Variants in KLRF1 observed in about 807,000 individuals in gnomAD.
KLRF1 encodes killer cell lectin like receptor F1.
In KLRF1, 27 loss-of-function variants were observed where a neutral mutation model predicts 30.7. The ratio of observed to expected loss-of-function variants is 0.88; its 90% CI spans 0.65 to 1.21. The LOEUF (loss-of-function observed/expected upper bound fraction) is 1.21. Among genes scored for constraint, KLRF1 ranks in the 50% most tolerant of loss-of-function variants. The pLI, the probability that KLRF1 is intolerant of heterozygous loss-of-function variation, is 0.00. For synonymous variants in KLRF1, 92 were observed against 89.3 expected (o/e 1.03, Z -0.17); for missense variants, 246 against 259.3 (o/e 0.95, Z 0.35).
the KLRF1 span, among the ~76,000 whole-genome samples, chr12:9,818,188 A>G: frequency 6.6e-6 from 1 of 152,198 alleles, no homozygotes; most frequent in Admixed American, 6.5e-5. Context: ...ATAGAGCTGG[A>G]CTGTCTCTTC....
the KLRF1 span, among the ~76,000 whole-genome samples, chr12:9,815,165 AC>A: frequency 1.3e-5 from 2 of 152,202 alleles, no homozygotes; most frequent in Admixed American, 6.5e-5. Context: ...AAACAAGAAT[AC>A]TTTTCTTATA....
At chr12:9,808,568 G>A in the KLRF1 span, among the ~76,000 whole-genome samples, 15 of 152,136 alleles carry the variant, frequency 9.9e-5, no homozygotes, top group South Asian at 2.1e-3. Flanking sequence ...AAAAAGACCC[G>A]CATCCTCCCC....
chr12:9,801,172 T>C, the KLRF1 span, among the ~76,000 whole-genome samples: 1 of 152,100 alleles, frequency 6.6e-6, no homozygotes, highest in Non-Finnish European at 1.5e-5. Context: ...GAAAAGGACA[T>C]GATCTCATTC....
chr12:9,819,947 T>C, the KLRF1 span, among the ~76,000 whole-genome samples: 4 of 152,160 alleles, frequency 2.6e-5, no homozygotes, highest in African/African-American at 9.6e-5. Flanking sequence ...CAGGCTGCCA[T>C]TTGTGCTGCT....
chr12:9,825,506 C>A (rs1307546997), upstream of KLRF1, among the ~76,000 whole-genome samples: 3 of 152,052 alleles, frequency 2.0e-5, no homozygotes, highest in Admixed American at 2.0e-4. Flanking sequence ...ATACAAAGCT[C>A]AACTCAAGAT....
At chr12:9,822,481 C>T (rs150284452), upstream of KLRF1, among the ~76,000 whole-genome samples, 1 of 152,216 alleles carries the variant, frequency 6.6e-6, no homozygotes, top group African/African-American at 2.4e-5. Context: ...AAGGAAGGAA[C>T]AAAATCTTTG....
chr12:9,813,018 G>A, the KLRF1 span, among the ~76,000 whole-genome samples: 1 of 152,208 alleles, frequency 6.6e-6, no homozygotes, highest in South Asian at 2.1e-4. Context: ...ATCACAGAGT[G>A]GGTGGTCAGC....
chr12:9,842,831 C>G (rs1334677563), intron 5 of KLRF1, among the ~76,000 whole-genome samples: 1 of 152,024 alleles, frequency 6.6e-6, no homozygotes, highest in Non-Finnish European at 1.5e-5. Flanking sequence ...CCAAAAGTCT[C>G]TGAACAAATG....
At chr12:9,814,550 C>A in the KLRF1 span, among the ~76,000 whole-genome samples, 1 of 152,252 alleles carries the variant, frequency 6.6e-6, no homozygotes, top group Non-Finnish European at 1.5e-5. Flanking sequence ...TCCGCGTATG[C>A]TCCTGCACCA....
chr12:9,843,524 TA>T (rs1358021455), intron 5 of KLRF1, among the ~76,000 whole-genome samples: 2 of 152,266 alleles, frequency 1.3e-5, no homozygotes, highest in Non-Finnish European at 2.9e-5. Flanking sequence ...AAAAAGTGAA[TA>T]AAAAACATTA....
chr12:9,820,460 A>G, the KLRF1 span, among the ~76,000 whole-genome samples: 65 of 152,228 alleles, frequency 4.3e-4, 1 homozygote, highest in South Asian at 0.011. Context: ...CACTTCCTGG[A>G]CAGAGTTCCC....
At chr12:9,820,334 G>A in the KLRF1 span, among the ~76,000 whole-genome samples, 1 of 152,240 alleles carries the variant, frequency 6.6e-6, no homozygotes, top group Admixed American at 6.5e-5. Flanking sequence ...ATGGTGGCCA[G>A]ATTGTTACAT....
upstream of KLRF1, among the ~76,000 whole-genome samples, chr12:9,824,516 G>A (rs984955091): frequency 2.0e-5 from 3 of 152,122 alleles, no homozygotes; most frequent in Non-Finnish European, 2.9e-5. Flanking sequence ...ACATTATCCT[G>A]AACAGGTGAA....
rs772894767 is a variant in KLRF1, at chr12:9,838,863, G to A, written c.335-2949G>A. Among the ~76,000 whole-genome samples, 15 of 152,146 alleles carry A rather than the reference G, an allele frequency of 9.9e-5. 1 individual carries two copies. Among genetic ancestry groups the A allele is most frequent in the Admixed American group, 7.9e-4 (12 of 15,268 alleles). On this transcript the variant is annotated intron_variant, in intron 3 of 5. Transcript: ENST00000617889. ...GTTTGGGTACAGACTTAGCTAACAT[G>A]TTTTATTTAGTACACATTTTTCAGG...
intron 3 of KLRF1, among the ~76,000 whole-genome samples, chr12:9,840,121 A>G (rs986228520): frequency 1.1e-4 from 17 of 152,162 alleles, no homozygotes; most frequent in African/African-American, 3.9e-4. Context: ...ATATTGTATG[A>G]TTCCATTTAT....
upstream of KLRF1, among the ~76,000 whole-genome samples, chr12:9,823,180 A>T (rs1867245868): frequency 6.6e-6 from 1 of 151,984 alleles, no homozygotes; most frequent in South Asian, 2.1e-4. Flanking sequence ...CACATAATCT[A>T]AAATTGACCG....
chr12:9,831,938 A>C (rs1273266389), intron 1 of KLRF1, among the ~76,000 whole-genome samples: 1 of 152,202 alleles, frequency 6.6e-6, no homozygotes, highest in African/African-American at 2.4e-5. Context: ...ATTAATGATT[A>C]ATCAGAAAGT....
At chr12:9,839,828 C>G (rs910962466) in intron 3 of KLRF1, among the ~76,000 whole-genome samples, 1 of 151,988 alleles carries the variant, frequency 6.6e-6, no homozygotes, top group African/African-American at 2.4e-5. Context: ...TCACATGACC[C>G]AACATTCAAC....
At chr12:9,841,741 T>C in intron 3 of KLRF1, 71 bp from the exon 4 acceptor site, 5 of 1,197,106 alleles carry the variant, frequency 4.2e-6, no homozygotes, top group Non-Finnish European at 2.4e-6. Context: ...ATGTAAGTAT[T>C]GTTCTTATGG....
Sources: gnomAD v4.1 joint callset for allele counts (sites outside exome capture counted in the v4.1 genomes callset) on GRCh38, gnomAD v4.1.1 for gene constraint, MANE v1.5 for transcripts, NCBI Gene and HGNC (gene_info 2026-07-23, HGNC 2026-07-21) for gene names.